The following KIF16B variants were observed in gnomAD, a reference collection of about 807,000 sequenced individuals.
The protein encoded by KIF16B is kinesin-like protein KIF16B.
KIF16B carries 98 observed loss-of-function variants against 156.3 expected under a neutral mutation model. That is an observed-to-expected ratio of 0.63 (90% CI 0.53 to 0.74). The LOEUF (loss-of-function observed/expected upper bound fraction) is 0.74, where lower values mean the gene tolerates loss of function less well. KIF16B is among the 30% of genes least tolerant of loss of function. KIF16B has a pLI of 0.00. For missense variants in KIF16B, 1,421 were observed against 1,606.5 expected (o/e 0.88, Z 1.97); for synonymous variants, 564 against 583.7 (o/e 0.97, Z 0.49).
intron 12 of KIF16B, among the ~76,000 whole-genome samples, chr20:16,481,671 T>C (rs989881157): frequency 6.6e-6 from 1 of 152,222 alleles, no homozygotes; most frequent in African/African-American, 2.4e-5. Context: ...ATGTATAATG[T>C]ACTGGACCTA....
intron 11 of KIF16B, among the ~76,000 whole-genome samples, chr20:16,495,188 T>A (rs1236694267): frequency 6.6e-6 from 1 of 152,136 alleles, no homozygotes; most frequent in African/African-American, 2.4e-5. Context: ...TTCCAAGCCT[T>A]TTCCTTTCAG....
intron 12 of KIF16B, among the ~76,000 whole-genome samples, chr20:16,483,521 A>G (rs1384873607): frequency 6.6e-6 from 1 of 152,290 alleles, no homozygotes; most frequent in East Asian, 1.9e-4. Flanking sequence ...ATCAAAAAGG[A>G]TAGATTCAGA....
chr20:16,437,859 G>A (rs1006716112), intron 12 of KIF16B, among the ~76,000 whole-genome samples: 13 of 152,054 alleles, frequency 8.5e-5, no homozygotes, highest in East Asian at 3.9e-4. Flanking sequence ...TCAGCTGGGC[G>A]TGGTGGCTCA....
chr20:16,509,762 T>A (rs532336051), intron 6 of KIF16B, among the ~76,000 whole-genome samples: 57 of 152,356 alleles, frequency 3.7e-4, no homozygotes, highest in African/African-American at 1.4e-3. Flanking sequence ...TCCTATTTTG[T>A]AATTAAGCTT....
At chr20:16,408,725 G>A (rs557206288) in intron 15 of KIF16B, among the ~76,000 whole-genome samples, 1 of 152,200 alleles carries the variant, frequency 6.6e-6, no homozygotes, top group South Asian at 2.1e-4. Flanking sequence ...AGCCCTGTAA[G>A]GAGTTATAAA....
intron 12 of KIF16B, among the ~76,000 whole-genome samples, chr20:16,452,105 C>T (rs1227793309): frequency 6.6e-6 from 1 of 152,020 alleles, no homozygotes; most frequent in African/African-American, 2.4e-5. Context: ...CAAATATTCA[C>T]CAACAGGAGG....
intron 25 of KIF16B, among the ~76,000 whole-genome samples, chr20:16,303,348 T>C (rs556660997): frequency 6.6e-6 from 1 of 152,338 alleles, no homozygotes; most frequent in East Asian, 1.9e-4. Context: ...TGAGGACATA[T>C]TACAGACTAT....
At chr20:16,541,270 T>C (rs1311403744) in intron 1 of KIF16B, among the ~76,000 whole-genome samples, 2 of 152,216 alleles carry the variant, frequency 1.3e-5, no homozygotes, top group Non-Finnish European at 2.9e-5. Flanking sequence ...TAAAAAATTC[T>C]GGAATGGGTT....
Position 16,273,196 on chromosome 20 carries a change from C to G in KIF16B, c.*57G>C. The G allele has an allele frequency of 6.7e-7, 1 of 1,491,872 alleles. No homozygotes were observed. Among genetic ancestry groups the G allele is most frequent in the Non-Finnish European group, 9.3e-7 (1 of 1,074,116 alleles). The allele number at this position is 1,491,872 out of a possible 1,614,324, so 92.4% of individuals were successfully genotyped here. The stretch of plus-strand genomic sequence containing the variant: ...CTCGCATGGGGGAGCTGCCCTGCAT[C>G]GGAGCCCGCTTCGACGAGAAGGCAC... On this transcript the variant is annotated 3_prime_UTR_variant, in exon 26 of 26. Coordinates refer to ENST00000354981, the MANE Select transcript of KIF16B (RefSeq NM_024704.5).
chr20:16,439,320 C>T (rs1317598919), intron 12 of KIF16B, among the ~76,000 whole-genome samples: 1 of 152,170 alleles, frequency 6.6e-6, no homozygotes, highest in Non-Finnish European at 1.5e-5. Flanking sequence ...CTCCATATGG[C>T]AGCCAGAGCC....
intron 12 of KIF16B, among the ~76,000 whole-genome samples, chr20:16,469,280 A>AAAAAAAAAAAAAAAAAAAAAAAAACAC (rs2067588908): frequency 6.8e-6 from 1 of 147,638 alleles, no homozygotes; most frequent in Non-Finnish European, 1.5e-5. Context: ...AAAAAAAAAA[A>AAAAAAAAAAAAAAAAAAAAAAAAACAC]TGGTCTCCTT....
intron 25 of KIF16B, among the ~76,000 whole-genome samples, chr20:16,284,878 C>T (rs942528358): frequency 6.6e-6 from 1 of 152,196 alleles, no homozygotes; most frequent in African/African-American, 2.4e-5. Flanking sequence ...TGGGAACACC[C>T]ACGGTCCAGG....
chr20:16,548,676 C>T (rs1459851604), intron 1 of KIF16B, among the ~76,000 whole-genome samples: 1 of 152,212 alleles, frequency 6.6e-6, no homozygotes, highest in Admixed American at 6.5e-5. Context: ...TGTGCCCTGT[C>T]CATGGAAAAA....
At position 16,537,176 on chromosome 20, in the gene KIF16B, C is replaced by T. The variant is rs992796678; in HGVS notation, c.48-8736G>A. Among the ~76,000 whole-genome samples, 4 of 152,174 alleles carry T rather than the reference C, an allele frequency of 2.6e-5. No individual in the cohort carries two copies. In the East Asian group the frequency reaches 5.8e-4, roughly 22 times the overall value. On this transcript the variant is annotated intron_variant, in intron 1 of 25. Coordinates refer to ENST00000354981, the MANE Select transcript of KIF16B (RefSeq NM_024704.5). ...CTGCTTTAAACTCCTTCAGTGACTTCCCAAAGGCTACAGGATAAAGTCCAA... is the reference window on the plus strand; with the variant it reads ...CTGCTTTAAACTCCTTCAGTGACTTTCCAAAGGCTACAGGATAAAGTCCAA...
At chr20:16,331,763 TGAAA>T (rs2063952544) in intron 24 of KIF16B, among the ~76,000 whole-genome samples, 1 of 152,190 alleles carries the variant, frequency 6.6e-6, no homozygotes. Context: ...TTGGCTTTCC[TGAAA>T]GAGTTAGGTC....
intron 25 of KIF16B, among the ~76,000 whole-genome samples, chr20:16,293,192 G>T (rs1423743900): frequency 6.6e-6 from 1 of 152,172 alleles, no homozygotes; most frequent in Non-Finnish European, 1.5e-5. Flanking sequence ...GAAATCGATA[G>T]AACCCATGGG....
At chr20:16,353,016 C>T (rs554402539) in intron 23 of KIF16B, among the ~76,000 whole-genome samples, 1 of 152,230 alleles carries the variant, frequency 6.6e-6, no homozygotes, top group South Asian at 2.1e-4. Flanking sequence ...TAACGAAAAA[C>T]AAAAACTGAT....
chr20:16,472,960 A>T (rs2067705937), intron 12 of KIF16B, among the ~76,000 whole-genome samples: 1 of 152,236 alleles, frequency 6.6e-6, no homozygotes, highest in Non-Finnish European at 1.5e-5. Context: ...AGGTTCTGAG[A>T]AACTAAGCAC....
intron 7 of KIF16B, among the ~76,000 whole-genome samples, chr20:16,507,524 C>T (rs940175928): frequency 4.6e-5 from 7 of 152,114 alleles, no homozygotes; most frequent in Non-Finnish European, 8.8e-5. Flanking sequence ...ATATTCGCTG[C>T]CCTTTAATAT....
Sources: gnomAD v4.1 joint callset for allele counts (sites outside exome capture counted in the v4.1 genomes callset) on GRCh38, gnomAD v4.1.1 for gene constraint, MANE v1.5 for transcripts, NCBI Gene and HGNC (gene_info 2026-07-23, HGNC 2026-07-21) for gene names.